The following IKZF1 variants were observed in gnomAD, a reference collection of about 807,000 sequenced individuals.
The protein encoded by IKZF1 is DNA-binding protein Ikaros.
In IKZF1, 10 loss-of-function variants were observed where a neutral mutation model predicts 51.7. That is an observed-to-expected ratio of 0.19 (90% CI 0.12 to 0.33). IKZF1 has a LOEUF of 0.33. IKZF1 is among the 10% of genes least tolerant of loss of function. IKZF1 has a pLI of 1.00. For missense variants in IKZF1, 484 were observed against 707.5 expected (o/e 0.68, Z 3.58); for synonymous variants, 280 against 282.3 (o/e 0.99, Z 0.08).
At chr7:50,378,028 C>T (rs898335902) in intron 4 of IKZF1, among the ~76,000 whole-genome samples, 2 of 152,118 alleles carry the variant, frequency 1.3e-5, no homozygotes, top group African/African-American at 2.4e-5. Flanking sequence ...ATGCTGCTTC[C>T]GTGGGGGCGA....
At chr7:50,399,617 G>A (rs1817601358) in intron 7 of IKZF1, among the ~76,000 whole-genome samples, 1 of 151,904 alleles carries the variant, frequency 6.6e-6, no homozygotes, top group South Asian at 2.1e-4. Context: ...CTAATCTTTG[G>A]TTCCCCTATT....
intron 6 of IKZF1, among the ~76,000 whole-genome samples, chr7:50,387,789 A>G (rs773672655): frequency 5.3e-5 from 8 of 152,224 alleles, no homozygotes; most frequent in African/African-American, 9.6e-5. Flanking sequence ...TTAAAACAAC[A>G]ACAAAAAAAA....
rs1346369806 is a variant in IKZF1, at chr7:50,375,716, C to G, written c.161-817C>G. 7.2e-5 allele frequency among the ~76,000 whole-genome samples: 9 copies of G among 124,536 alleles called. No individual in the cohort carries two copies. The East Asian group carries it at 2.2e-3, about 30-fold the overall frequency. The allele number at this position is 124,536 out of a possible 152,430, so 81.7% of individuals were successfully genotyped here. On this transcript the variant is annotated intron_variant, in intron 3 of 7. Transcript: ENST00000331340. ...AAAGTTCACCTCCCACCCCCCCCCC[C>G]CACCCACCACCCAACAAACACACAA...
intron 5 of IKZF1, among the ~76,000 whole-genome samples, chr7:50,383,770 C>T (rs1812543709): frequency 6.6e-6 from 1 of 152,212 alleles, no homozygotes; most frequent in African/African-American, 2.4e-5. Context: ...TACTCCTCAC[C>T]CACCCTGGGT....
chr7:50,349,406 C>T (rs73114918), intron 3 of IKZF1, among the ~76,000 whole-genome samples: 27,028 of 152,002 alleles, frequency 0.18, 3,495 homozygotes, highest in East Asian at 0.57. Flanking sequence ...TGATGAGAAG[C>T]GCATGGAATT....
intron 2 of IKZF1, among the ~76,000 whole-genome samples, 190 bp downstream of exon 2, chr7:50,319,291 G>A (rs1792466064): frequency 6.6e-6 from 1 of 152,044 alleles, no homozygotes; most frequent in African/African-American, 2.4e-5. Flanking sequence ...TGAACAGAAA[G>A]CCTCCAAGAT....
intron 3 of IKZF1, among the ~76,000 whole-genome samples, chr7:50,339,955 C>T (rs1397360900): frequency 8.6e-5 from 13 of 152,024 alleles, no homozygotes; most frequent in Admixed American, 8.5e-4. Flanking sequence ...TTCTTTAATT[C>T]CTGTGATTAA....
rs2153469668 is a variant in IKZF1, at chr7:50,376,685, T to A, written c.313T>A (p.Ser105Thr). The part of the protein sequence containing the change: ...SHRDQGSSAL[S>T]GVGGIRLPNG... ...CAGGGACCAAGGCAGCTCGGCTTTG[T>A]CGGGAGTTGGAGGCATTCGACTTCC... Residue 105 changes from serine (S) to threonine (T), a missense_variant, in exon 4 of 8, where the codon TCG (serine) becomes ACG (threonine). Coordinates refer to ENST00000331340, the MANE Select transcript of IKZF1 (RefSeq NM_006060.6). The surrounding 1 kb of genome is among the most constrained non-coding windows in gnomAD (Gnocchi z 4.5). 1 of 1,613,866 alleles carries A rather than the reference T, an allele frequency of 6.2e-7. No homozygotes were observed. The highest frequency in any genetic ancestry group is 8.5e-7 in the Non-Finnish European group (1 of 1,179,858).
At chr7:50,394,556 G>A (rs1816141184) in intron 7 of IKZF1, among the ~76,000 whole-genome samples, 1 of 152,180 alleles carries the variant, frequency 6.6e-6, no homozygotes, top group Non-Finnish European at 1.5e-5. Context: ...GCTTAGTGTT[G>A]CCATCTGTGG....
rs1818429585 is a variant in IKZF1, at chr7:50,403,143, T to A, written c.*2516T>A. 4.5e-6 allele frequency: 1 copy of A among 221,186 alleles called. No homozygotes were observed. Among genetic ancestry groups the A allele is most frequent in the Non-Finnish European group, 9.0e-6 (1 of 110,604 alleles). The allele number at this position is 221,186 out of a possible 1,614,324, so 13.7% of individuals were successfully genotyped here. ...TTTTATAGCCAATATAAATGTCTCTTTGCACACCTTTTGTTGTGGTTTTAT... is the reference window on the plus strand; with the variant it reads ...TTTTATAGCCAATATAAATGTCTCTATGCACACCTTTTGTTGTGGTTTTAT... On this transcript the variant is annotated 3_prime_UTR_variant, in exon 8 of 8. Coordinates refer to ENST00000331340, the MANE Select transcript of IKZF1 (RefSeq NM_006060.6).
chr7:50,336,614 G>A (rs902294150), intron 3 of IKZF1, among the ~76,000 whole-genome samples: 1 of 152,192 alleles, frequency 6.6e-6, no homozygotes, highest in South Asian at 2.1e-4. Flanking sequence ...AGGCAGGGAG[G>A]GGCGTCTCAG....
intron 3 of IKZF1, among the ~76,000 whole-genome samples, chr7:50,344,421 C>G (rs191520047): frequency 6.6e-6 from 1 of 152,190 alleles, no homozygotes; most frequent in Non-Finnish European, 1.5e-5. Flanking sequence ...AAGCCAGGTT[C>G]CTTCTCTTCA....
In IKZF1 at chr7:50,387,415, A is replaced by G. The variant is rs1316607899; in HGVS notation, c.660A>G (p.Lys220=). 6.2e-7 allele frequency: 1 copy of G among 1,613,046 alleles called. No individual in the cohort carries two copies. The highest frequency in any genetic ancestry group is 1.7e-5 in the Admixed American group (1 of 59,902). Reference sequence around the variant, plus strand: ...AGCGAAGCTCTTTAGAGGAACATAAAGAGCGCTGCCACAACTACTTGGAAA... The same window carrying G: ...AGCGAAGCTCTTTAGAGGAACATAAGGAGCGCTGCCACAACTACTTGGAAA... ...YKQRSSLEEH[K]ERCHNYLESM... is the part of the protein sequence containing the mutation. Residue 220 remains lysine, a synonymous_variant, in exon 6 of 8, where the codon AAA becomes AAG. Coordinates refer to ENST00000331340, the MANE Select transcript of IKZF1 (RefSeq NM_006060.6).
chr7:50,329,095 A>C (rs150880060), intron 3 of IKZF1: 1 of 150,148 alleles, frequency 6.7e-6, no homozygotes, highest in Non-Finnish European at 1.5e-5. Context: ...AAAAAAGAAA[A>C]AGTAAAGAAA....
intron 3 of IKZF1, chr7:50,327,993 G>A: frequency 2.0e-6 from 1 of 491,160 alleles, no homozygotes; most frequent in South Asian, 2.8e-5. Context: ...TCCAAGTTGA[G>A]GAGCAATCCT....
intron 1 of IKZF1, among the ~76,000 whole-genome samples, chr7:50,312,385 G>A (rs1790407199): frequency 6.6e-6 from 1 of 152,166 alleles, no homozygotes; most frequent in East Asian, 1.9e-4. Flanking sequence ...CTATGAGAGG[G>A]TAGAGACAAT....
At chr7:50,366,048 C>G (rs77159002) in intron 3 of IKZF1, among the ~76,000 whole-genome samples, 3,359 of 152,246 alleles carry the variant, frequency 0.022, 66 homozygotes, top group East Asian at 0.067. Context: ...TGCAGATGTT[C>G]TCACTTTTAA....
chr7:50,403,257 G>A lies in IKZF1; in HGVS notation c.*2630G>A. On this transcript the variant is annotated 3_prime_UTR_variant, in exon 8 of 8. Transcript: ENST00000331340. ...AGTAATTAACTTATGTTTAAAAGGT[G>A]GCCATATCATGTACCAAAAGTTGCT... is the stretch of plus-strand genomic sequence containing the variant. 1 of 221,396 alleles carries A rather than the reference G, an allele frequency of 4.5e-6. No individual in the cohort carries two copies. Among genetic ancestry groups the A allele is most frequent in the Non-Finnish European group, 9.0e-6 (1 of 110,604 alleles). 13.7% of individuals were successfully genotyped at this position (221,396 alleles called of 1,614,324 possible).
At chr7:50,335,609 G>A (rs945373813) in intron 3 of IKZF1, among the ~76,000 whole-genome samples, 6 of 151,082 alleles carry the variant, frequency 4.0e-5, no homozygotes, top group Admixed American at 2.0e-4. Flanking sequence ...TAGTGTGTAT[G>A]TGTGTTATAT....
Sources: allele counts gnomAD v4.1 joint callset (sites outside exome capture counted in the v4.1 genomes callset), GRCh38; gene constraint gnomAD v4.1.1; non-coding constraint Gnocchi (gnomAD v3.1); transcripts MANE v1.5; gene names NCBI Gene and HGNC (gene_info 2026-07-23, HGNC 2026-07-21).